The following TTBK2 variants were observed in gnomAD, a reference collection of about 807,000 sequenced individuals.
The protein encoded by TTBK2 is tau-tubulin kinase 2.
TTBK2 carries 28 observed loss-of-function variants against 110.8 expected under a neutral mutation model. The ratio of observed to expected loss-of-function variants is 0.25; its 90% CI spans 0.19 to 0.35. The LOEUF is 0.35. TTBK2 is among the 10% of genes least tolerant of loss of function. The pLI is 1.00. For synonymous variants in TTBK2, 532 were observed against 527.3 expected (o/e 1.01, Z -0.12); for missense variants, 1,369 against 1,500.3 (o/e 0.91, Z 1.45).
At chr15:42,866,823 G>A (rs935010632) in intron 3 of TTBK2, among the ~76,000 whole-genome samples, 4 of 152,084 alleles carry the variant, frequency 2.6e-5, no homozygotes, top group African/African-American at 9.7e-5. Context: ...TAACACAGGA[G>A]TCAAAGAACT....
At chr15:42,765,638 T>C (rs868731809) in intron 13 of TTBK2, among the ~76,000 whole-genome samples, 1 of 152,156 alleles carries the variant, frequency 6.6e-6, no homozygotes, top group Non-Finnish European at 1.5e-5. Flanking sequence ...AAATCTACAT[T>C]TGATTGGTGT....
rs138281703 is a variant in TTBK2 at position 42,833,591 on chromosome 15, G to A, written c.292-3513C>T. ...TCATCTATATACATTAAAAATTGTC[G>A]GCCAGGTGTGGTGGCTCACATCTAT... On this transcript the variant is annotated intron_variant, in intron 4 of 14. Transcript: ENST00000267890. Among the ~76,000 whole-genome samples, 72 of 151,864 alleles carry A rather than the reference G, an allele frequency of 4.7e-4. No homozygotes were observed. The East Asian group carries it at 8.7e-3, about 18-fold the overall frequency.
intron 7 of TTBK2, among the ~76,000 whole-genome samples, chr15:42,815,946 A>ATAT (rs1339609076): frequency 1.6e-4 from 4 of 24,584 alleles, no homozygotes; most frequent in African/African-American, 7.1e-4. Context: ...ATATATATAT[A>ATAT]TTTAAAAAAA....
chr15:42,790,416 C>A (rs1318423125), intron 10 of TTBK2, among the ~76,000 whole-genome samples: 1 of 151,556 alleles, frequency 6.6e-6, no homozygotes, highest in Non-Finnish European at 1.5e-5. Context: ...TTCGGAGTAG[C>A]TGGGACTATA....
Position 42,901,089 on chromosome 15 carries a change from AG to A in TTBK2, c.-68+19348del, listed in dbSNP as rs1284974872. 7.2e-5 allele frequency among the ~76,000 whole-genome samples: 11 copies of A among 152,292 alleles called. No homozygotes were observed. In the East Asian group the frequency reaches 2.1e-3, roughly 29 times the overall value. On this transcript the variant is annotated intron_variant, in intron 1 of 14. Transcript: ENST00000267890. The stretch of plus-strand genomic sequence containing the variant: ...AAATTATTAGAGGAAGGCCGGGCAC[AG>A]TGGCTCACACCTGTGATCCCAGCAC...
chr15:42,900,645 C>T (rs1031788366), intron 1 of TTBK2, among the ~76,000 whole-genome samples: 15 of 151,956 alleles, frequency 9.9e-5, no homozygotes, highest in African/African-American at 3.6e-4. Flanking sequence ...TCGCTTGAAC[C>T]CGGGAGGTGG....
At chr15:42,855,739 C>T (rs1486758921) in intron 3 of TTBK2, among the ~76,000 whole-genome samples, 3 of 152,130 alleles carry the variant, frequency 2.0e-5, no homozygotes, top group Non-Finnish European at 4.4e-5. Context: ...GGCTGGAGTG[C>T]AGTGGTGCGA....
Position 42,817,562 on chromosome 15 carries a change from G to A in TTBK2, c.538-465C>T, listed in dbSNP as rs1179941185. ...ATTCAAACTCAATTCAAAGGTGGTGGCAACTTGTACCCTACCTCCATATGC... is the reference window on the plus strand; with the variant it reads ...ATTCAAACTCAATTCAAAGGTGGTGACAACTTGTACCCTACCTCCATATGC... On this transcript the variant is annotated intron_variant, in intron 6 of 14. Coordinates refer to ENST00000267890, the MANE Select transcript of TTBK2 (RefSeq NM_173500.4). 3.3e-5 allele frequency among the ~76,000 whole-genome samples: 5 copies of A among 152,092 alleles called. No individual in the cohort carries two copies. In the East Asian group the frequency reaches 9.6e-4, roughly 29 times the overall value.
intron 1 of TTBK2, among the ~76,000 whole-genome samples, chr15:42,886,199 T>C (rs1482886699): frequency 2.0e-5 from 3 of 152,048 alleles, no homozygotes; most frequent in Non-Finnish European, 4.4e-5. Context: ...CCCAGGCTGC[T>C]CCTCGCCAGG....
chr15:42,850,566 C>G (rs1014411192), intron 3 of TTBK2, among the ~76,000 whole-genome samples: 1 of 152,180 alleles, frequency 6.6e-6, no homozygotes, highest in Non-Finnish European at 1.5e-5. Context: ...GAACCAGAAC[C>G]TGGACTACTG....
chr15:42,852,770 T>C (rs1200719439), intron 3 of TTBK2, among the ~76,000 whole-genome samples: 1 of 152,194 alleles, frequency 6.6e-6, no homozygotes, highest in Non-Finnish European at 1.5e-5. Context: ...CAGATAGTTC[T>C]CAGAGACCTC....
intron 12 of TTBK2, among the ~76,000 whole-genome samples, chr15:42,776,521 G>C (rs1213584309): frequency 6.6e-6 from 1 of 152,128 alleles, no homozygotes; most frequent in African/African-American, 2.4e-5. Flanking sequence ...AAACTCTCGA[G>C]GGCAAGCATG....
At chr15:42,912,642 C>T (rs1458145792) in intron 1 of TTBK2, among the ~76,000 whole-genome samples, 3 of 151,474 alleles carry the variant, frequency 2.0e-5, no homozygotes, top group East Asian at 1.9e-4. Flanking sequence ...ACCCGGGAGG[C>T]GGAGGTTGCA....
chr15:42,823,801 C>T (rs974870024), intron 6 of TTBK2, among the ~76,000 whole-genome samples: 3 of 151,100 alleles, frequency 2.0e-5, no homozygotes, highest in Non-Finnish European at 4.4e-5. Flanking sequence ...CAAGACAATT[C>T]TTCTTCTTCC....
intron 3 of TTBK2, among the ~76,000 whole-genome samples, chr15:42,848,537 C>A (rs1207480880): frequency 6.6e-6 from 1 of 151,414 alleles, no homozygotes; most frequent in African/African-American, 2.4e-5. Flanking sequence ...GTTGCCCAGG[C>A]TGGAGTACAA....
chr15:42,800,842 C>A lies in TTBK2; in HGVS notation c.823-6041G>T, dbSNP rs368496631. On this transcript the variant is annotated intron_variant, in intron 9 of 14. Coordinates refer to ENST00000267890, the MANE Select transcript of TTBK2 (RefSeq NM_173500.4). ...GGTCCCCAGGTAGTAAACTCCCTCG[C>A]GGATGGGCTGAGGGCTAGGGCTGAG... 6.6e-5 allele frequency: 38 copies of A among 579,208 alleles called. 1 individual carries two copies. The highest frequency in any genetic ancestry group is 6.6e-4 in the African/African-American group (35 of 53,380). The allele number at this position is 579,208 out of a possible 1,614,324, so 35.9% of individuals were successfully genotyped here. A position where few individuals can be genotyped will look rare whatever the true frequency, so the allele number is the denominator to read the frequency against.
At chr15:42,881,467 GAC>G (rs1895048023) in intron 1 of TTBK2, among the ~76,000 whole-genome samples, 1 of 151,300 alleles carries the variant, frequency 6.6e-6, no homozygotes, top group Non-Finnish European at 1.5e-5. Flanking sequence ...ATGCCAAGAT[GAC>G]ACAGATTTAG....
At chr15:42,781,383 C>A (rs1890172073) in intron 11 of TTBK2, among the ~76,000 whole-genome samples, 1 of 152,080 alleles carries the variant, frequency 6.6e-6, no homozygotes, top group Non-Finnish European at 1.5e-5. Context: ...TTTTGCAATA[C>A]AGTAACAGAG....
intron 9 of TTBK2, among the ~76,000 whole-genome samples, chr15:42,807,403 C>CTATTATTATTAT (rs533415613): frequency 1.3e-5 from 2 of 150,930 alleles, no homozygotes; most frequent in African/African-American, 4.9e-5. Context: ...TCACGTGATC[C>CTATTATTATTAT]TATTATTATT....
Sources: gnomAD v4.1 joint callset for allele counts (sites outside exome capture counted in the v4.1 genomes callset) on GRCh38, gnomAD v4.1.1 for gene constraint, MANE v1.5 for transcripts, NCBI Gene and HGNC (gene_info 2026-07-23, HGNC 2026-07-21) for gene names.